The following ZC3H18 variants were observed in gnomAD, a reference collection of about 807,000 sequenced individuals.
ZC3H18 encodes the protein zinc finger CCCH domain-containing protein 18.
ZC3H18 carries 8 observed loss-of-function variants against 106.1 expected under a neutral mutation model. The ratio of observed to expected loss-of-function variants is 0.08; its 90% confidence interval spans 0.04 to 0.14. The LOEUF (loss-of-function observed/expected upper bound fraction) is 0.14, where lower values mean the gene tolerates loss of function less well. ZC3H18 is among the 10% of genes least tolerant of loss of function. ZC3H18 has a pLI of 1.00. For synonymous variants in ZC3H18, 635 were observed against 522.1 expected (o/e 1.22, Z -2.95); for missense variants, 1,318 against 1,278.4 (o/e 1.03, Z -0.47).
chr16:88,597,982 G>A (rs1237821703), intron 3 of ZC3H18, among the ~76,000 whole-genome samples, 196 bp from the exon 4 acceptor site: 1 of 152,204 alleles, frequency 6.6e-6, no homozygotes, highest in African/African-American at 2.4e-5. Flanking sequence ...TGCCGTGCCT[G>A]GGCAGGTGCA....
chr16:88,615,216 G>A (rs1474704810), intron 8 of ZC3H18, among the ~76,000 whole-genome samples: 2 of 150,994 alleles, frequency 1.3e-5, no homozygotes, highest in African/African-American at 4.9e-5. Flanking sequence ...GCCTTTGACA[G>A]GCTGCCCCCA....
chr16:88,581,768 G>A (rs1312273430), intron 2 of ZC3H18, among the ~76,000 whole-genome samples: 1 of 152,206 alleles, frequency 6.6e-6, no homozygotes, highest in African/African-American at 2.4e-5. Flanking sequence ...CCATGTGGCA[G>A]CCTCTCCTTT....
chr16:88,588,330 G>T (rs1215468760), intron 3 of ZC3H18, among the ~76,000 whole-genome samples: 1 of 152,208 alleles, frequency 6.6e-6, no homozygotes, highest in Non-Finnish European at 1.5e-5. Context: ...CAGTGTGACT[G>T]GGAAGCTTGA....
Position 88,623,306 on chromosome 16 carries a change from C to G in ZC3H18, c.1755C>G (p.Arg585=). ...RSSSYSSYSS[R]SSRHSSFSGS... Reference sequence around the variant, plus strand: ...CATCCTACAGCTCCTACTCCAGCCGCTCTTCCAGACACAGCTCGTTCTCAG... The same window carrying G: ...CATCCTACAGCTCCTACTCCAGCCGGTCTTCCAGACACAGCTCGTTCTCAG... The change falls in exon 10 of 18, where the codon CGC becomes CGG. Residue 585 remains arginine, a synonymous_variant. Coordinates refer to ENST00000301011, the MANE Select transcript of ZC3H18 (RefSeq NM_144604.4). 6.2e-7 allele frequency: 1 copy of G among 1,613,880 alleles called. No individual in the cohort carries two copies. The highest frequency in any genetic ancestry group is 8.5e-7 in the Non-Finnish European group (1 of 1,179,986).
intron 8 of ZC3H18, among the ~76,000 whole-genome samples, chr16:88,619,237 G>A (rs1377716522): frequency 4.6e-5 from 7 of 152,004 alleles, no homozygotes; most frequent in Admixed American, 1.3e-4. Context: ...TCGCACCACC[G>A]TACTCCAGCC....
At chr16:88,616,736 T>TA (rs1276003170) in intron 8 of ZC3H18, among the ~76,000 whole-genome samples, 4 of 152,178 alleles carry the variant, frequency 2.6e-5, no homozygotes, top group Non-Finnish European at 5.9e-5. Flanking sequence ...TTTTCTCACC[T>TA]AAACTGGAAG....
Position 88,631,453 on chromosome 16 carries a change from A to T in ZC3H18, c.*154A>T. On this transcript the variant is annotated 3_prime_UTR_variant, in exon 18 of 18. Coordinates refer to ENST00000301011, the MANE Select transcript of ZC3H18 (RefSeq NM_144604.4). ...AGCTGGAAAAGAAGCCACACAGGAA[A>T]TGACAACGACGCTGAATCCCAGCCT... 2 of 1,051,306 alleles carry T rather than the reference A, an allele frequency of 1.9e-6. No homozygotes were observed. The highest frequency in any genetic ancestry group is 2.8e-6 in the Non-Finnish European group (2 of 726,512). 65.1% of individuals were successfully genotyped at this position (1,051,306 alleles called of 1,614,324 possible).
At chr16:88,598,748 A>T in intron 5 of ZC3H18, 36 bp downstream of exon 5, 2 of 1,573,170 alleles carry the variant, frequency 1.3e-6, no homozygotes, top group Non-Finnish European at 1.7e-6. Flanking sequence ...GACAAGAAAG[A>T]TGCTATTACA....
chr16:88,585,576 C>T lies in ZC3H18; in HGVS notation c.604-1024C>T, dbSNP rs565529621. The stretch of plus-strand genomic sequence containing the variant: ...CGTAGGGGGAGCTCAGGGAAGGCCA[C>T]CCCAAGGAAGGGGACTCAAGCTTCC... On this transcript the variant is annotated intron_variant, in intron 2 of 17. Transcript: ENST00000301011. 2.6e-5 allele frequency among the ~76,000 whole-genome samples: 4 copies of T among 152,222 alleles called. No homozygotes were observed. In the South Asian group the frequency reaches 6.2e-4, roughly 24 times the overall value.
intron 1 of ZC3H18, among the ~76,000 whole-genome samples, chr16:88,574,612 C>G (rs538355007): frequency 9.9e-5 from 15 of 151,370 alleles, no homozygotes; most frequent in Admixed American, 7.2e-4. Flanking sequence ...AGGTGATCCT[C>G]CTATCTCAGC....
chr16:88,611,203 G>C, intron 7 of ZC3H18, 65 bp from the exon 8 acceptor site: 1 of 710,964 alleles, frequency 1.4e-6, no homozygotes, highest in Non-Finnish European at 2.6e-6. Flanking sequence ...TGGAGCCAAG[G>C]CTTTCAGTGC....
chr16:88,598,778 C>T, intron 5 of ZC3H18, 66 bp downstream of exon 5: 1 of 1,471,072 alleles, frequency 6.8e-7, no homozygotes, highest in Non-Finnish European at 9.3e-7. Flanking sequence ...CTTGACAAAA[C>T]TGGGATTTCC....
At chr16:88,581,200 C>T (rs1163103362) in intron 2 of ZC3H18, among the ~76,000 whole-genome samples, 1 of 152,220 alleles carries the variant, frequency 6.6e-6, no homozygotes, top group Non-Finnish European at 1.5e-5. Context: ...TGGGGTCTCA[C>T]TATGTTGCCC....
In ZC3H18 at chr16:88,599,872, G is replaced by A. The variant is rs779192188; in HGVS notation, c.1012G>A (p.Glu338Lys). The change falls in exon 6 of 18, where the codon GAA becomes AAA. Residue 338 changes from glutamate to lysine, a missense_variant. Glu to Lys is a moderately conservative substitution (Grantham distance 56). Around this residue, in one of 6 missense-constraint regions of ZC3H18, gnomAD observed 848 missense variants for 821.7 expected, o/e 1.03. Transcript: ENST00000301011. ...GTTTACGGTGACCATTGGCGAAGAC[G>A]AACGGGAATTTGACAAAGAAAATGA... ...KRFTVTIGEDEREFDKENEVF... is the reference protein window; with the variant it reads ...KRFTVTIGEDKREFDKENEVF... 5.0e-6 allele frequency: 8 copies of A among 1,614,212 alleles called. No individual in the cohort carries two copies. The highest frequency in any genetic ancestry group is 1.7e-5 in the Admixed American group (1 of 60,030).
chr16:88,619,452 G>A (rs937658297), intron 8 of ZC3H18, among the ~76,000 whole-genome samples: 8 of 152,050 alleles, frequency 5.3e-5, no homozygotes, highest in Non-Finnish European at 1.0e-4. Context: ...GCGCTGTGCA[G>A]TGACGAGATG....
At chr16:88,571,647 G>A (rs980092916) in intron 1 of ZC3H18, 10 of 985,278 alleles carry the variant, frequency 1.0e-5, no homozygotes, top group Non-Finnish European at 1.2e-5. Flanking sequence ...AGAAAGCTTT[G>A]TGGAGTCACT....
At chr16:88,599,699 C>A in intron 5 of ZC3H18, 92 bp from the exon 6 acceptor site, 1 of 1,450,156 alleles carries the variant, frequency 6.9e-7, no homozygotes, top group Non-Finnish European at 9.3e-7. Flanking sequence ...TGCAGGGCTG[C>A]TGCGGTCGGG....
chr16:88,580,870 T>C (rs1295314828), intron 2 of ZC3H18, among the ~76,000 whole-genome samples: 1 of 152,200 alleles, frequency 6.6e-6, no homozygotes, highest in Non-Finnish European at 1.5e-5. Context: ...AGAGCCCTGG[T>C]GTCACGTCTA....
intron 8 of ZC3H18, among the ~76,000 whole-genome samples, chr16:88,621,068 G>A (rs902879714): frequency 1.3e-5 from 2 of 151,942 alleles, no homozygotes; most frequent in Non-Finnish European, 2.9e-5. Flanking sequence ...GTTTTGAGAC[G>A]AAGTCTTGCT....
Sources: gnomAD v4.1 joint callset for allele counts (sites outside exome capture counted in the v4.1 genomes callset) on GRCh38, gnomAD v4.1.1 for gene constraint, gnomAD v4.1.1 regional missense constraint, MANE v1.5 for transcripts, NCBI Gene and HGNC (gene_info 2026-07-23, HGNC 2026-07-21) for gene names.